EEFSEC: variants seen among roughly 807,000 people sequenced by gnomAD.
EEFSEC encodes eukaryotic elongation factor, selenocysteine-tRNA specific.
Under a neutral mutation model 42.1 loss-of-function variants are expected in EEFSEC, and 43 were observed. That is an observed-to-expected ratio of 1.02 (90% CI 0.80 to 1.32). The LOEUF (loss-of-function observed/expected upper bound fraction) is 1.32, where lower values mean the gene tolerates loss of function less well. Among genes scored for constraint, EEFSEC ranks in the 40% most tolerant of loss-of-function variants. The pLI, the probability that EEFSEC is intolerant of heterozygous loss-of-function variation, is 0.00. For synonymous variants in EEFSEC, 354 were observed against 339.1 expected, an observed-to-expected ratio of 1.04 and a Z score of -0.48; for missense variants, 745 against 803.6, an observed-to-expected ratio of 0.93 and a Z score of 0.88.
chr3:128,411,097 G>C (rs1281189232), downstream of EEFSEC, among the ~76,000 whole-genome samples: 1 of 152,230 alleles, frequency 6.6e-6, no homozygotes, highest in Non-Finnish European at 1.5e-5. Context: ...GCGTCCATTA[G>C]TGGGGTCGGG....
chr3:128,300,597 T>G (rs2066756675), intron 4 of EEFSEC, among the ~76,000 whole-genome samples: 1 of 151,068 alleles, frequency 6.6e-6, no homozygotes, highest in South Asian at 2.1e-4. Context: ...TAATATATTA[T>G]TAATGGCAAT....
chr3:128,362,257 A>C (rs762225110), intron 6 of EEFSEC: 10 of 517,068 alleles, frequency 1.9e-5, no homozygotes, highest in African/African-American at 1.9e-4. Flanking sequence ...GTGGGACAAC[A>C]GCTTCCGCAG....
intron 4 of EEFSEC, among the ~76,000 whole-genome samples, chr3:128,271,219 T>G (rs1232550893): frequency 6.6e-6 from 1 of 152,118 alleles, no homozygotes; most frequent in Non-Finnish European, 1.5e-5. Flanking sequence ...GCTCCATCAG[T>G]AAGCAGCAGT....
chr3:128,251,555 T>C (rs2066187165), intron 2 of EEFSEC, among the ~76,000 whole-genome samples: 1 of 152,226 alleles, frequency 6.6e-6, no homozygotes, highest in African/African-American at 2.4e-5. Flanking sequence ...AATTTGTGGT[T>C]CTTTATTTCC....
intron 1 of EEFSEC, among the ~76,000 whole-genome samples, chr3:128,181,197 G>A (rs2065401799): frequency 6.6e-6 from 1 of 152,196 alleles, no homozygotes; most frequent in Non-Finnish European, 1.5e-5. Context: ...AGTTTCCTAA[G>A]GGGCCCCATC....
intron 4 of EEFSEC, among the ~76,000 whole-genome samples, chr3:128,305,068 G>T (rs989863663): frequency 6.6e-6 from 1 of 151,846 alleles, no homozygotes; most frequent in East Asian, 1.9e-4. Flanking sequence ...ATGGCTTTTC[G>T]ATCTCATTTA....
chr3:128,182,614 C>T (rs1197751747), intron 1 of EEFSEC, among the ~76,000 whole-genome samples: 1 of 152,134 alleles, frequency 6.6e-6, no homozygotes, highest in Non-Finnish European at 1.5e-5. Context: ...CTCAGGATGA[C>T]TTGTGCTATC....
chr3:128,334,827 C>G (rs1290367750), intron 4 of EEFSEC, among the ~76,000 whole-genome samples: 2 of 152,244 alleles, frequency 1.3e-5, no homozygotes, highest in African/African-American at 4.8e-5. Context: ...GAGCTAGGCT[C>G]AGGGGACGGA....
At chr3:128,286,206 G>A (rs774108105) in intron 4 of EEFSEC, among the ~76,000 whole-genome samples, 8 of 152,184 alleles carry the variant, frequency 5.3e-5, no homozygotes, top group Admixed American at 5.2e-4. Flanking sequence ...TATAGTTCAT[G>A]AGGGACATTC....
chr3:128,268,545 G>T (rs947350371), intron 4 of EEFSEC, among the ~76,000 whole-genome samples: 12 of 152,092 alleles, frequency 7.9e-5, no homozygotes, highest in Admixed American at 6.5e-4. Context: ...TTGGAATAAG[G>T]GTCTTGCAGA....
rs1032813759 is a variant in EEFSEC, at chr3:128,327,302, C to A, written c.787-13931C>A. ...CTGCACTTTTCCCATCCCCCCCCCC[C>A]CAAGGTTGTCCCCCTCTCTCCCGAT... On this transcript the variant is annotated intron_variant, in intron 4 of 6. Coordinates refer to ENST00000254730, the MANE Select transcript of EEFSEC (RefSeq NM_021937.5). 4.3e-4 allele frequency among the ~76,000 whole-genome samples: 57 copies of A among 131,330 alleles called. 1 individual carries two copies. The East Asian group carries it at 7.7e-3, about 18-fold the overall frequency. The allele number at this position is 131,330 out of a possible 152,430, so 86.2% of individuals were successfully genotyped here.
At chr3:128,207,223 C>T (rs919753899) in intron 1 of EEFSEC, among the ~76,000 whole-genome samples, 31 of 150,744 alleles carry the variant, frequency 2.1e-4, no homozygotes, top group African/African-American at 7.1e-4. Context: ...CTCTCTCTTC[C>T]TCCCTCCATC....
intron 6 of EEFSEC, among the ~76,000 whole-genome samples, chr3:128,402,531 C>T (rs1354814766): frequency 6.6e-6 from 1 of 152,206 alleles, no homozygotes; most frequent in East Asian, 1.9e-4. Flanking sequence ...TCCCGCTCTG[C>T]CTGTAAATAG....
chr3:128,411,885 G>C (rs1393191747), downstream of EEFSEC, among the ~76,000 whole-genome samples: 1 of 152,260 alleles, frequency 6.6e-6, no homozygotes, highest in African/African-American at 2.4e-5. Flanking sequence ...GTGCGCACAC[G>C]GGCTTTGGTG....
chr3:128,357,826 G>A (rs985893652), intron 5 of EEFSEC, among the ~76,000 whole-genome samples: 3 of 151,862 alleles, frequency 2.0e-5, no homozygotes, highest in Non-Finnish European at 4.4e-5. Context: ...CTGCAACAGG[G>A]GCTTGAATTC....
chr3:128,256,601 C>T (rs1321171844), intron 2 of EEFSEC, among the ~76,000 whole-genome samples: 1 of 152,168 alleles, frequency 6.6e-6, no homozygotes, highest in African/African-American at 2.4e-5. Flanking sequence ...TCGGGCCTGA[C>T]TCCACTTCTT....
At chr3:128,365,076 G>T (rs2067573649) in intron 6 of EEFSEC, among the ~76,000 whole-genome samples, 1 of 152,332 alleles carries the variant, frequency 6.6e-6, no homozygotes, top group African/African-American at 2.4e-5. Flanking sequence ...GGTAGCCCGT[G>T]GCCCCTGTGC....
the EEFSEC span, among the ~76,000 whole-genome samples, chr3:128,425,424 T>G: frequency 3.3e-5 from 5 of 152,062 alleles, no homozygotes; most frequent in African/African-American, 4.8e-5. Flanking sequence ...CTCGGGCTGC[T>G]TCCAGTTTGG....
At chr3:128,361,069 G>A (rs1173697158) in intron 6 of EEFSEC, among the ~76,000 whole-genome samples, 1 of 152,178 alleles carries the variant, frequency 6.6e-6, no homozygotes, top group Non-Finnish European at 1.5e-5. Context: ...CTGGGTTTTG[G>A]TGCCATGAGA....
Sources: gnomAD v4.1 joint callset for allele counts (sites outside exome capture counted in the v4.1 genomes callset) on GRCh38, gnomAD v4.1.1 for gene constraint, MANE v1.5 for transcripts, NCBI Gene and HGNC (gene_info 2026-07-23, HGNC 2026-07-21) for gene names.